The following SHTN1 variants were observed in gnomAD, a reference collection of about 807,000 sequenced individuals.
The protein encoded by SHTN1 is shootin-1.
Under a neutral mutation model 83.1 loss-of-function variants are expected in SHTN1, and 42 were observed. That is an observed-to-expected ratio of 0.51 (90% confidence interval 0.39 to 0.65). The LOEUF (loss-of-function observed/expected upper bound fraction) is 0.65. Ranked by LOEUF, SHTN1 falls within the 30% of genes least tolerant of loss-of-function variation. The pLI is 0.00. For missense variants in SHTN1, 622 were observed against 737.8 expected, an observed-to-expected ratio of 0.84 and a Z score of 1.82; for synonymous variants, 224 against 247.7, an observed-to-expected ratio of 0.90 and a Z score of 0.90.
At chr10:116,891,025 A>C (rs1847328022) in intron 16 of SHTN1, among the ~76,000 whole-genome samples, 1 of 152,244 alleles carries the variant, frequency 6.6e-6, no homozygotes, top group Non-Finnish European at 1.5e-5. Context: ...ACTAATGCCC[A>C]AAAGAGCCCT....
chr10:116,929,294 A>T (rs1230214867), intron 10 of SHTN1, among the ~76,000 whole-genome samples: 3 of 152,212 alleles, frequency 2.0e-5, no homozygotes, highest in African/African-American at 7.2e-5. Context: ...TCTAGAACTG[A>T]ATGAATAAAT....
At chr10:116,927,931 G>C in intron 10 of SHTN1, 40 bp from the exon 11 acceptor site, 1 of 1,605,556 alleles carries the variant, frequency 6.2e-7, no homozygotes, top group Non-Finnish European at 8.5e-7. Context: ...GCTGAAATAA[G>C]CAACTAAACA....
intron 1 of SHTN1, among the ~76,000 whole-genome samples, chr10:117,065,710 A>C (rs1852967974): frequency 2.6e-5 from 2 of 77,256 alleles, no homozygotes; most frequent in African/African-American, 3.8e-5. Context: ...AAAGCGAGAG[A>C]GAGAGAGAGA....
Position 117,024,547 on chromosome 10 carries a change from G to A in SHTN1, c.-123+23898C>T, listed in dbSNP as rs546413126. Among the ~76,000 whole-genome samples the A allele has an allele frequency of 1.0e-3, 157 of 151,678 alleles. 1 individual carries two copies. Among genetic ancestry groups the A allele is most frequent in the African/African-American group, 3.6e-3 (147 of 41,350 alleles). On this transcript the variant is annotated intron_variant, in intron 2 of 17. Transcript: ENST00000392901. ...TTTTTTATATTTTTAGTAGAGACGG[G>A]GTTTCACTGTATTTGTTAGCCAGGA... is the stretch of plus-strand genomic sequence containing the variant.
intron 1 of SHTN1, among the ~76,000 whole-genome samples, chr10:117,082,858 C>T (rs1390259221): frequency 6.6e-6 from 1 of 150,866 alleles, no homozygotes; most frequent in Non-Finnish European, 1.5e-5. Context: ...AGGATTGCAA[C>T]CCCTGCCTTT....
intron 1 of SHTN1, among the ~76,000 whole-genome samples, chr10:117,107,460 CACA>C (rs34713685): frequency 0.63 from 94,890 of 151,778 alleles, 34,845 homozygotes; most frequent in Middle Eastern, 0.83. Context: ...GGAAGCAAAT[CACA>C]ACACATATCT....
intron 2 of SHTN1, among the ~76,000 whole-genome samples, chr10:117,044,041 C>A (rs149585991): frequency 6.6e-6 from 1 of 152,076 alleles, no homozygotes; most frequent in Non-Finnish European, 1.5e-5. Flanking sequence ...ATCTGTAGTT[C>A]AAATGCCAGG....
chr10:116,998,279 C>T (rs1347670262), intron 1 of SHTN1, among the ~76,000 whole-genome samples: 1 of 152,172 alleles, frequency 6.6e-6, no homozygotes, highest in African/African-American at 2.4e-5. Flanking sequence ...CGTCTTTGGA[C>T]ATTGGATGTT....
chr10:117,083,349 T>C (rs569794891), intron 1 of SHTN1, among the ~76,000 whole-genome samples: 1 of 149,248 alleles, frequency 6.7e-6, no homozygotes, highest in Non-Finnish European at 1.5e-5. Flanking sequence ...TCTTTAAGAA[T>C]GTTGAATATT....
intron 2 of SHTN1, among the ~76,000 whole-genome samples, chr10:117,042,726 C>T (rs1852604028): frequency 6.6e-6 from 1 of 152,096 alleles, no homozygotes; most frequent in African/African-American, 2.4e-5. Context: ...AGCGATTCTC[C>T]TGTCTCAAGC....
chr10:117,117,141 TCTTATA>T (rs1436933229), intron 1 of SHTN1, among the ~76,000 whole-genome samples: 2 of 152,138 alleles, frequency 1.3e-5, no homozygotes, highest in Non-Finnish European at 2.9e-5. Flanking sequence ...GCAACATTGA[TCTTATA>T]CTTAGACAAA....
chr10:117,031,842 AAAG>A lies in SHTN1; in HGVS notation c.-123+16600_-123+16602del, dbSNP rs563004605. On this transcript the variant is annotated intron_variant, in intron 2 of 17. Transcript: ENST00000392901. ...AAGAAAGGAAGTAAAGAATGAAGGA[AAAG>A]AAGACCACAAAACAACCAGAAAACA... Among the ~76,000 whole-genome samples the A allele has an allele frequency of 7.9e-5, 12 of 152,290 alleles. 1 individual carries two copies. In the South Asian group the frequency reaches 2.1e-3, roughly 26 times the overall value.
At chr10:116,931,134 T>TAAAA (rs1589817359) in intron 9 of SHTN1, among the ~76,000 whole-genome samples, 1 of 26,224 alleles carries the variant, frequency 3.8e-5, no homozygotes. Flanking sequence ...TCAAAAGTCT[T>TAAAA]CAAAAAAAAA....
intron 3 of SHTN1, among the ~76,000 whole-genome samples, chr10:116,962,590 C>T (rs1850221257): frequency 6.6e-6 from 1 of 152,058 alleles, no homozygotes; most frequent in African/African-American, 2.4e-5. Context: ...TAAGAAAATT[C>T]ATTCCACAGT....
chr10:117,096,808 C>A (rs1298511282), intron 1 of SHTN1, among the ~76,000 whole-genome samples: 1 of 152,136 alleles, frequency 6.6e-6, no homozygotes, highest in Non-Finnish European at 1.5e-5. Flanking sequence ...GTTTTGGTAG[C>A]CTGACCTGGC....
chr10:116,933,739 CCA>C (rs2133384358), intron 9 of SHTN1, among the ~76,000 whole-genome samples: 1 of 152,298 alleles, frequency 6.6e-6, no homozygotes, highest in African/African-American at 2.4e-5. Context: ...TGAGGAATCA[CCA>C]CACTGTCTTC....
intron 16 of SHTN1, chr10:116,901,126 A>G: frequency 1.0e-6 from 1 of 985,402 alleles, no homozygotes. Flanking sequence ...CATCCTGGCA[A>G]GAGAACTAAA....
At chr10:116,966,322 T>A (rs1850394343) in intron 3 of SHTN1, among the ~76,000 whole-genome samples, 1 of 152,074 alleles carries the variant, frequency 6.6e-6, no homozygotes, top group African/African-American at 2.4e-5. Flanking sequence ...CCTTGTTTTC[T>A]CTCCTTTTGA....
chr10:117,029,007 C>T (rs1028889104), intron 2 of SHTN1, among the ~76,000 whole-genome samples: 1 of 152,160 alleles, frequency 6.6e-6, no homozygotes, highest in African/African-American at 2.4e-5. Context: ...AAATATCCAC[C>T]AGCACTCAAT....
Sources: allele counts gnomAD v4.1 joint callset (sites outside exome capture counted in the v4.1 genomes callset), GRCh38; gene constraint gnomAD v4.1.1; transcripts MANE v1.5; gene names NCBI Gene and HGNC (gene_info 2026-07-23, HGNC 2026-07-21).